CNTNAP5: variants seen among roughly 807,000 people sequenced by gnomAD.
CNTNAP5 encodes contactin-associated protein-like 5.
CNTNAP5 carries 72 observed loss-of-function variants against 150.2 expected under a neutral mutation model. That is an observed-to-expected ratio of 0.48 (90% CI 0.40 to 0.58). CNTNAP5 has a LOEUF of 0.58. Ranked by LOEUF, CNTNAP5 falls within the 20% of genes least tolerant of loss-of-function variation. The pLI is 0.00. For missense variants in CNTNAP5, 1,636 were observed against 1,626.2 expected (o/e 1.01, Z -0.10); for synonymous variants, 672 against 619.8 (o/e 1.08, Z -1.25).
Position 124,072,714 on chromosome 2 carries a change from G to A in CNTNAP5, c.82+46982G>A, listed in dbSNP as rs530839821. 5.0e-4 allele frequency among the ~76,000 whole-genome samples: 75 copies of A among 151,304 alleles called. 1 individual carries two copies. Among genetic ancestry groups the A allele is most frequent in the Admixed American group, 1.6e-3 (25 of 15,188 alleles). On this transcript the variant is annotated intron_variant, in intron 1 of 23. Transcript: ENST00000682447. The stretch of plus-strand genomic sequence containing the variant: ...TACAAAATATTGATGAAAAAAAGAG[G>A]ACACCAAAAAGTGGATAGTCCATAT...
chr2:124,428,055 T>C (rs1049819964), intron 4 of CNTNAP5, among the ~76,000 whole-genome samples: 6 of 152,172 alleles, frequency 3.9e-5, no homozygotes, highest in Non-Finnish European at 7.3e-5. Flanking sequence ...CAAGTTTGAT[T>C]CCTGATAGAT....
intron 17 of CNTNAP5, among the ~76,000 whole-genome samples, chr2:124,785,457 G>A (rs567891154): frequency 1.3e-5 from 2 of 152,360 alleles, no homozygotes; most frequent in East Asian, 3.9e-4. Context: ...TGATCGGTGG[G>A]TAGAAAGATA....
chr2:124,463,494 A>G (rs1293866789), intron 6 of CNTNAP5, among the ~76,000 whole-genome samples: 1 of 152,180 alleles, frequency 6.6e-6, no homozygotes, highest in Non-Finnish European at 1.5e-5. Context: ...CTGCCCTGTC[A>G]GCAGAAAATA....
intron 7 of CNTNAP5, among the ~76,000 whole-genome samples, chr2:124,483,901 C>T (rs2104842482): frequency 6.6e-6 from 1 of 152,346 alleles, no homozygotes; most frequent in South Asian, 2.1e-4. Context: ...GCTCTCCTGG[C>T]CACCGTTTGA....
Position 124,694,221 on chromosome 2 carries a change from T to A in CNTNAP5, c.2077+46263T>A, listed in dbSNP as rs549034162. Among the ~76,000 whole-genome samples, 4 of 152,238 alleles carry A rather than the reference T, an allele frequency of 2.6e-5. No homozygotes were observed. In the East Asian group the frequency reaches 7.7e-4, roughly 29 times the overall value. ...AAACAAACTTGACATTTTAATTATT[T>A]AAAAAAATAGTTTTGTCTTATTTTT... On this transcript the variant is annotated intron_variant, in intron 13 of 23. Transcript: ENST00000682447.
intron 3 of CNTNAP5, among the ~76,000 whole-genome samples, chr2:124,265,511 A>T (rs1687583656): frequency 1.3e-5 from 2 of 151,316 alleles, no homozygotes; most frequent in Non-Finnish European, 2.9e-5. Flanking sequence ...AACCCAAAAA[A>T]CTCTCCCTAA....
At chr2:124,892,821 C>G (rs952586269) in intron 21 of CNTNAP5, among the ~76,000 whole-genome samples, 52 of 152,116 alleles carry the variant, frequency 3.4e-4, no homozygotes, top group African/African-American at 1.2e-3. Context: ...GCCTCCTATA[C>G]AGAAATCCCA....
chr2:124,667,633 C>A (rs1463063857), intron 13 of CNTNAP5, among the ~76,000 whole-genome samples: 2 of 152,168 alleles, frequency 1.3e-5, no homozygotes, highest in East Asian at 3.9e-4. Flanking sequence ...AGAATTGAGT[C>A]CAATTAAGAG....
chr2:124,412,663 A>T (rs1691803383), intron 3 of CNTNAP5, among the ~76,000 whole-genome samples: 1 of 129,552 alleles, frequency 7.7e-6, no homozygotes, highest in Non-Finnish European at 1.6e-5. Context: ...GTGCTGGGAA[A>T]ACTGGCTAGC....
intron 3 of CNTNAP5, among the ~76,000 whole-genome samples, chr2:124,347,709 A>G (rs1689774703): frequency 6.6e-6 from 1 of 152,194 alleles, no homozygotes; most frequent in African/African-American, 2.4e-5. Flanking sequence ...CATTGCAGAC[A>G]TAGCTCTTTG....
chr2:124,910,385 T>C (rs576188925), intron 22 of CNTNAP5, among the ~76,000 whole-genome samples: 2 of 152,214 alleles, frequency 1.3e-5, no homozygotes, highest in South Asian at 4.1e-4. Flanking sequence ...CAGCCACTGT[T>C]GTAAAAACAA....
At chr2:124,152,794 A>C (rs1222440126) in intron 1 of CNTNAP5, among the ~76,000 whole-genome samples, 2 of 152,328 alleles carry the variant, frequency 1.3e-5, no homozygotes, top group South Asian at 2.1e-4. Context: ...GGAAATAGCC[A>C]GTGATTCTGT....
At chr2:124,443,930 ATTTTAAGAAAAAAGTG>A (rs1692739742) in intron 5 of CNTNAP5, among the ~76,000 whole-genome samples, 1 of 151,626 alleles carries the variant, frequency 6.6e-6, no homozygotes, top group Non-Finnish European at 1.5e-5. Context: ...TGCCTTTCTT[ATTTTAAGAAAAAAGTG>A]AGATGCAGCT....
chr2:124,108,244 CCT>C (rs904208243), intron 1 of CNTNAP5, among the ~76,000 whole-genome samples: 1 of 152,134 alleles, frequency 6.6e-6, no homozygotes, highest in Non-Finnish European at 1.5e-5. Flanking sequence ...TATCCTTAAT[CCT>C]CTCTCTCTTT....
intron 4 of CNTNAP5, among the ~76,000 whole-genome samples, chr2:124,421,824 C>T (rs567643943): frequency 6.6e-6 from 1 of 152,292 alleles, no homozygotes; most frequent in South Asian, 2.1e-4. Flanking sequence ...TCAGAGAAGT[C>T]CCCCCGACTG....
At chr2:124,432,604 C>T (rs778395145) in intron 4 of CNTNAP5, among the ~76,000 whole-genome samples, 2 of 152,134 alleles carry the variant, frequency 1.3e-5, no homozygotes, top group Non-Finnish European at 2.9e-5. Flanking sequence ...CTACCTAGGA[C>T]ACAATTTCTA....
At chr2:124,793,426 A>G (rs1429704086) in intron 18 of CNTNAP5, among the ~76,000 whole-genome samples, 3 of 152,202 alleles carry the variant, frequency 2.0e-5, no homozygotes, top group Non-Finnish European at 2.9e-5. Flanking sequence ...TGTTTGGAAT[A>G]TAATTCCCTT....
chr2:124,313,700 C>T (rs1688889187), intron 3 of CNTNAP5, among the ~76,000 whole-genome samples: 1 of 152,326 alleles, frequency 6.6e-6, no homozygotes, highest in South Asian at 2.1e-4. Context: ...ATCATGCCAT[C>T]ATGTCTTTGT....
In CNTNAP5 at chr2:124,848,662, G is replaced by T. The variant is rs373427565; in HGVS notation, c.3218-16644G>T. Among the ~76,000 whole-genome samples the T allele has an allele frequency of 3.9e-5, 6 of 152,234 alleles. No homozygotes were observed. In the East Asian group the frequency reaches 7.7e-4, roughly 20 times the overall value. ...TTTCTCCACACCCTTGCCAACACTT[G>T]CTACCTATTGTCTTTTTGATAATAA... On this transcript the variant is annotated intron_variant, in intron 19 of 23. Coordinates refer to ENST00000682447, the MANE Select transcript of CNTNAP5 (RefSeq NM_001367498.1).
Sources: gnomAD v4.1 joint callset for allele counts (sites outside exome capture counted in the v4.1 genomes callset) on GRCh38, gnomAD v4.1.1 for gene constraint, MANE v1.5 for transcripts, NCBI Gene and HGNC (gene_info 2026-07-23, HGNC 2026-07-21) for gene names.